TMEM132D: variants seen among roughly 807,000 people sequenced by gnomAD.
The protein encoded by TMEM132D is transmembrane protein 132D.
In TMEM132D, 21 loss-of-function variants were observed where a neutral mutation model predicts 62.3. The observed-to-expected ratio is 0.34, with a 90% CI of 0.24 to 0.49. The LOEUF is 0.49. Ranked by LOEUF, TMEM132D falls within the 20% of genes least tolerant of loss-of-function variation. The pLI, the probability that TMEM132D is intolerant of heterozygous loss-of-function variation, is 0.99. For missense variants in TMEM132D, 1,346 were observed against 1,402.8 expected, an observed-to-expected ratio of 0.96 and a Z score of 0.65; for synonymous variants, 621 against 575.6, an observed-to-expected ratio of 1.08 and a Z score of -1.13.
intron 4 of TMEM132D, among the ~76,000 whole-genome samples, chr12:129,325,246 A>G (rs1478896975): frequency 6.6e-6 from 1 of 152,226 alleles, no homozygotes; most frequent in Non-Finnish European, 1.5e-5. Flanking sequence ...CTTGGGGATC[A>G]GACGCTGGAC....
intron 3 of TMEM132D, among the ~76,000 whole-genome samples, chr12:129,425,870 G>A (rs1275003399): frequency 1.3e-5 from 2 of 152,196 alleles, no homozygotes; most frequent in African/African-American, 2.4e-5. Flanking sequence ...ACTTCCCAAC[G>A]CCACATAGGC....
intron 4 of TMEM132D, among the ~76,000 whole-genome samples, chr12:129,321,805 C>T (rs1007490318): frequency 6.6e-6 from 1 of 152,178 alleles, no homozygotes; most frequent in Non-Finnish European, 1.5e-5. Context: ...GTGATCCACC[C>T]GCCTCGGCCT....
chr12:129,132,840 G>C (rs1876418732), intron 5 of TMEM132D, among the ~76,000 whole-genome samples: 1 of 152,210 alleles, frequency 6.6e-6, no homozygotes, highest in Admixed American at 6.5e-5. Flanking sequence ...GCAGGCTTAG[G>C]CTGTGGTGGC....
At chr12:129,894,566 T>C (rs1016375003) in intron 1 of TMEM132D, among the ~76,000 whole-genome samples, 2 of 152,206 alleles carry the variant, frequency 1.3e-5, no homozygotes, top group Non-Finnish European at 2.9e-5. Flanking sequence ...CGAAGCTTCA[T>C]GTAACAGAGT....
intron 3 of TMEM132D, among the ~76,000 whole-genome samples, chr12:129,477,751 G>A (rs1387021516): frequency 6.6e-6 from 1 of 152,050 alleles, no homozygotes; most frequent in African/African-American, 2.4e-5. Context: ...AACCTGGGAG[G>A]CGGAACTTGC....
chr12:129,135,109 C>A (rs577313796), intron 5 of TMEM132D, among the ~76,000 whole-genome samples: 3 of 152,182 alleles, frequency 2.0e-5, no homozygotes, highest in Non-Finnish European at 2.9e-5. Flanking sequence ...TGGGAGGCAG[C>A]CCTGTGGGCA....
intron 2 of TMEM132D, among the ~76,000 whole-genome samples, chr12:129,639,980 C>T (rs1003743635): frequency 6.6e-6 from 1 of 152,068 alleles, no homozygotes; most frequent in African/African-American, 2.4e-5. Flanking sequence ...TGTATCAAAT[C>T]CCCCAATACT....
At position 129,660,644 on chromosome 12, in the gene TMEM132D, G is replaced by A. The variant is rs143695136; in HGVS notation, c.968+39166C>T. 3.3e-5 allele frequency among the ~76,000 whole-genome samples: 5 copies of A among 152,236 alleles called. No individual in the cohort carries two copies. The East Asian group carries it at 5.8e-4, about 18-fold the overall frequency. On this transcript the variant is annotated intron_variant, in intron 2 of 8. Coordinates refer to ENST00000422113, the MANE Select transcript of TMEM132D (RefSeq NM_133448.3). Reference sequence around the variant, plus strand: ...GCCATGAAGCCTGCATGTAAAAAACGGGGTGTCAGCAAAGCATGAGGAGTC... The same window carrying A: ...GCCATGAAGCCTGCATGTAAAAAACAGGGTGTCAGCAAAGCATGAGGAGTC...
chr12:129,391,357 T>C (rs964662084), intron 3 of TMEM132D, among the ~76,000 whole-genome samples: 2 of 152,162 alleles, frequency 1.3e-5, no homozygotes, highest in Admixed American at 1.3e-4. Flanking sequence ...ACACATGGAA[T>C]AGGAGGAGAA....
chr12:129,573,969 T>C (rs775708667), intron 2 of TMEM132D, among the ~76,000 whole-genome samples: 2 of 151,906 alleles, frequency 1.3e-5, no homozygotes, highest in Non-Finnish European at 2.9e-5. Flanking sequence ...AGGAGATGCA[T>C]AGAGGAACTC....
chr12:129,546,642 A>G (rs1466771917), intron 2 of TMEM132D, among the ~76,000 whole-genome samples: 1 of 152,096 alleles, frequency 6.6e-6, no homozygotes, highest in Non-Finnish European at 1.5e-5. Flanking sequence ...TCTACTAAAA[A>G]TAAAAAAAAT....
At chr12:129,461,901 A>G (rs984578851) in intron 3 of TMEM132D, among the ~76,000 whole-genome samples, 2 of 152,250 alleles carry the variant, frequency 1.3e-5, no homozygotes, top group Non-Finnish European at 2.9e-5. Context: ...AGACTAAGAA[A>G]GAACAAGGAG....
intron 1 of TMEM132D, among the ~76,000 whole-genome samples, chr12:129,894,608 G>A (rs980016568): frequency 2.0e-5 from 3 of 152,190 alleles, no homozygotes; most frequent in Admixed American, 2.0e-4. Context: ...TAAAGCATGA[G>A]GATATTCCAC....
chr12:129,537,969 C>T (rs112029495), intron 2 of TMEM132D, among the ~76,000 whole-genome samples: 6 of 152,286 alleles, frequency 3.9e-5, no homozygotes, highest in East Asian at 1.9e-4. Context: ...GCCTCATCGA[C>T]GCGGCACACA....
At chr12:129,670,853 C>G (rs1365523150) in intron 2 of TMEM132D, among the ~76,000 whole-genome samples, 1 of 152,088 alleles carries the variant, frequency 6.6e-6, no homozygotes, top group Non-Finnish European at 1.5e-5. Context: ...CCTCAAAGTA[C>G]CACCAAAAAT....
intron 4 of TMEM132D, among the ~76,000 whole-genome samples, chr12:129,296,035 C>A (rs1881564390): frequency 6.6e-6 from 1 of 151,636 alleles, no homozygotes; most frequent in Admixed American, 6.6e-5. Context: ...TATATATGAA[C>A]ATGCACACAC....
At chr12:129,489,172 T>C (rs1874682413) in intron 3 of TMEM132D, among the ~76,000 whole-genome samples, 2 of 152,252 alleles carry the variant, frequency 1.3e-5, no homozygotes, top group East Asian at 1.9e-4. Flanking sequence ...GAAGGATTCC[T>C]TTTTCTCCTT....
intron 3 of TMEM132D, among the ~76,000 whole-genome samples, chr12:129,369,271 C>T (rs578156959): frequency 1.3e-5 from 2 of 152,244 alleles, no homozygotes; most frequent in South Asian, 2.1e-4. Flanking sequence ...GTGTCTTCCA[C>T]GACAGAAGGT....
At chr12:129,575,695 C>T (rs1408306018) in intron 2 of TMEM132D, among the ~76,000 whole-genome samples, 1 of 149,296 alleles carries the variant, frequency 6.7e-6, no homozygotes. Context: ...TGAATTTTTT[C>T]TGGAATGAAA....
Sources: gnomAD v4.1 joint callset for allele counts (sites outside exome capture counted in the v4.1 genomes callset) on GRCh38, gnomAD v4.1.1 for gene constraint, MANE v1.5 for transcripts, NCBI Gene and HGNC (gene_info 2026-07-23, HGNC 2026-07-21) for gene names.